Variants in CFAP20DC observed in about 807,000 individuals in gnomAD.
CFAP20DC encodes protein CFAP20DC.
In CFAP20DC, 84 loss-of-function variants were observed where a neutral mutation model predicts 101.7. The ratio of observed to expected loss-of-function variants is 0.83; its 90% CI spans 0.69 to 0.99. The LOEUF is 0.99. Among genes scored for constraint, CFAP20DC ranks in the 50% least tolerant of loss-of-function variants. CFAP20DC has a pLI of 0.00. For synonymous variants in CFAP20DC, 359 were observed against 351.2 expected, an observed-to-expected ratio of 1.02 and a Z score of -0.25; for missense variants, 1,007 against 970.3, an observed-to-expected ratio of 1.04 and a Z score of -0.50.
chr3:58,968,657 T>C (rs1170515330), intron 4 of CFAP20DC, among the ~76,000 whole-genome samples: 1 of 152,308 alleles, frequency 6.6e-6, no homozygotes, highest in East Asian at 1.9e-4. Flanking sequence ...ATTCTGTAGG[T>C]TGTCTGCTCA....
In CFAP20DC at chr3:58,874,617, G is replaced by A. The variant is rs76631861; in HGVS notation, c.716-4308C>T. ...AGAGTGTTTGTGTATGCTGTTCATG[G>A]CAAGAAGGCTTTTCCTTTCCCTCTT... On this transcript the variant is annotated intron_variant, in intron 7 of 16. Coordinates refer to ENST00000482387, the MANE Select transcript of CFAP20DC (RefSeq NM_001394063.1). The surrounding 1 kb of genome is among the most constrained non-coding windows in gnomAD (Gnocchi z 5.1). Among the ~76,000 whole-genome samples the A allele has an allele frequency of 3.6e-3, 549 of 152,198 alleles. 14 individuals are homozygous for A. The East Asian group carries it at 0.067, about 19-fold the overall frequency.
chr3:58,764,745 C>T (rs1051132830), intron 15 of CFAP20DC, among the ~76,000 whole-genome samples: 5 of 152,106 alleles, frequency 3.3e-5, no homozygotes, highest in Admixed American at 2.0e-4. Context: ...GGTAGATAAA[C>T]ATCCTTTCAG....
intron 16 of CFAP20DC, among the ~76,000 whole-genome samples, chr3:58,751,005 C>T (rs181258889): frequency 6.6e-6 from 1 of 152,148 alleles, no homozygotes; most frequent in Admixed American, 6.6e-5. Context: ...AGTCAGATTT[C>T]AATGAATTGC....
chr3:58,739,992 A>G (rs1213149063), downstream of CFAP20DC, among the ~76,000 whole-genome samples: 1 of 152,178 alleles, frequency 6.6e-6, no homozygotes, highest in Non-Finnish European at 1.5e-5. Flanking sequence ...CATCCACAGA[A>G]GAGGGTCCTG....
chr3:58,763,749 T>C (rs2069932120), intron 15 of CFAP20DC, among the ~76,000 whole-genome samples: 1 of 152,198 alleles, frequency 6.6e-6, no homozygotes, highest in Non-Finnish European at 1.5e-5. Context: ...TTAGTTTTCC[T>C]TGTAACAGTC....
intron 12 of CFAP20DC, among the ~76,000 whole-genome samples, chr3:58,860,175 C>CAAAAAAAAAAA (rs10575757): frequency 1.0e-4 from 8 of 78,180 alleles, no homozygotes; most frequent in Middle Eastern, 6.6e-3. Flanking sequence ...AACTCCATCT[C>CAAAAAAAAAAA]AAAAAAAAAA....
At chr3:58,967,527 A>C (rs1463407438) in intron 4 of CFAP20DC, among the ~76,000 whole-genome samples, 1 of 152,178 alleles carries the variant, frequency 6.6e-6, no homozygotes, top group African/African-American at 2.4e-5. Context: ...ATAAAAATTA[A>C]AAACTTTTGT....
At chr3:59,041,321 A>G (rs1294409973) in intron 3 of CFAP20DC, among the ~76,000 whole-genome samples, 2 of 152,128 alleles carry the variant, frequency 1.3e-5, no homozygotes, top group Non-Finnish European at 2.9e-5. Context: ...TCAAAAAAAG[A>G]AAGTTTTGTA....
intron 4 of CFAP20DC, among the ~76,000 whole-genome samples, chr3:58,996,573 A>G (rs1231768466): frequency 6.6e-6 from 1 of 152,240 alleles, no homozygotes; most frequent in Non-Finnish European, 1.5e-5. Context: ...CAGAGTATAT[A>G]AACAAATGTA....
intron 12 of CFAP20DC, among the ~76,000 whole-genome samples, chr3:58,849,695 T>A (rs1475599692): frequency 6.6e-6 from 1 of 152,178 alleles, no homozygotes; most frequent in Non-Finnish European, 1.5e-5. Context: ...TTACTCATAT[T>A]CATTCCAAAA....
chr3:58,813,498 G>A (rs1314536411), intron 14 of CFAP20DC, among the ~76,000 whole-genome samples: 2 of 151,926 alleles, frequency 1.3e-5, no homozygotes, highest in Non-Finnish European at 2.9e-5. Flanking sequence ...TGGGGTTGGT[G>A]TTAAGGGTTT....
Position 59,007,010 on chromosome 3 carries a change from C to T in CFAP20DC, c.278+32547G>A, listed in dbSNP as rs73837008. ...ACTCAGTGCTGTTAGTGGGGCACTG[C>T]GAGAGCGAGACTGGCCTTGCCAACT... On this transcript the variant is annotated intron_variant, in intron 4 of 16. Coordinates refer to ENST00000482387, the MANE Select transcript of CFAP20DC (RefSeq NM_001394063.1). This position sits in a 1 kb window ranked among gnomAD's most constrained non-coding sequence, Gnocchi z 4.4. 0.022 allele frequency among the ~76,000 whole-genome samples: 3,334 copies of T among 152,222 alleles called. 119 individuals are homozygous for T. The highest frequency in any genetic ancestry group is 0.075 in the African/African-American group (3,116 of 41,504).
intron 15 of CFAP20DC, among the ~76,000 whole-genome samples, chr3:58,756,997 T>C (rs535183318): frequency 3.3e-5 from 5 of 152,222 alleles, no homozygotes; most frequent in African/African-American, 4.8e-5. Flanking sequence ...TTTGCAATGA[T>C]TGCAATGAAC....
intron 15 of CFAP20DC, among the ~76,000 whole-genome samples, chr3:58,802,635 T>C (rs912459719): frequency 1.3e-5 from 2 of 152,196 alleles, no homozygotes; most frequent in African/African-American, 4.8e-5. Flanking sequence ...CATATATATT[T>C]CAATTCCTAG....
chr3:59,032,150 G>A (rs2094007196), intron 4 of CFAP20DC, among the ~76,000 whole-genome samples: 1 of 152,112 alleles, frequency 6.6e-6, no homozygotes, highest in African/African-American at 2.4e-5. Flanking sequence ...GCCATGGGGA[G>A]CAATGCATTC....
intron 13 of CFAP20DC, among the ~76,000 whole-genome samples, chr3:58,845,990 A>G (rs1359967187): frequency 6.6e-6 from 1 of 151,400 alleles, no homozygotes; most frequent in East Asian, 1.9e-4. Flanking sequence ...CTCTCAATAA[A>G]TTAAGTATTG....
intron 3 of CFAP20DC, among the ~76,000 whole-genome samples, chr3:58,719,380 G>C (rs1239075243): frequency 6.6e-6 from 1 of 152,168 alleles, no homozygotes; most frequent in East Asian, 1.9e-4. Flanking sequence ...TGTGGGCAAG[G>C]GTGGAATGTA....
At position 58,863,185 on chromosome 3, in the gene CFAP20DC, G is replaced by T; in HGVS notation, c.1593+373C>A. 1 of 1,140,358 alleles carries T rather than the reference G, an allele frequency of 8.8e-7. No homozygotes were observed. Among genetic ancestry groups the T allele is most frequent in the Non-Finnish European group, 1.1e-6 (1 of 931,772 alleles). 70.6% of individuals were successfully genotyped at this position (1,140,358 alleles called of 1,614,324 possible). On this transcript the variant is annotated intron_variant, in intron 12 of 16. Coordinates refer to ENST00000482387, the MANE Select transcript of CFAP20DC (RefSeq NM_001394063.1). This position sits in a 1 kb window ranked among gnomAD's most constrained non-coding sequence, Gnocchi z 5.9. ...GAAAACCATCAATTTAGAATGCTTA[G>T]CAACTGCAACACAATTTCTCCAGAG...
Position 58,942,738 on chromosome 3 carries a change from C to T in CFAP20DC, c.279-4976G>A, listed in dbSNP as rs934318045. On this transcript the variant is annotated intron_variant, in intron 4 of 16. Coordinates refer to ENST00000482387, the MANE Select transcript of CFAP20DC (RefSeq NM_001394063.1). The stretch of plus-strand genomic sequence containing the variant: ...CAGTGAGACAGAACCCTTCACTCCC[C>T]TGGAAAGGGGGTTAAAGCCAGGGAA... 5.9e-5 allele frequency among the ~76,000 whole-genome samples: 9 copies of T among 152,140 alleles called. No individual in the cohort carries two copies. In the East Asian group the frequency reaches 1.7e-3, roughly 29 times the overall value.
Sources: gnomAD v4.1 joint callset for allele counts (sites outside exome capture counted in the v4.1 genomes callset) on GRCh38, gnomAD v4.1.1 for gene constraint, Gnocchi (gnomAD v3.1) non-coding constraint, MANE v1.5 for transcripts, NCBI Gene and HGNC (gene_info 2026-07-23, HGNC 2026-07-21) for gene names.